BZW2: variants seen among roughly 807,000 people sequenced by gnomAD.
The protein encoded by BZW2 is eIF5-mimic protein 1.
In BZW2, 23 loss-of-function variants were observed where a neutral mutation model predicts 53.2. The ratio of observed to expected loss-of-function variants is 0.43; its 90% CI spans 0.31 to 0.61. The LOEUF (loss-of-function observed/expected upper bound fraction) is 0.61. Ranked by LOEUF, BZW2 falls within the 20% of genes least tolerant of loss-of-function variation. The pLI, the probability that BZW2 is intolerant of heterozygous loss-of-function variation, is 0.09. For synonymous variants in BZW2, 227 were observed against 186.4 expected (o/e 1.22, Z -1.77); for missense variants, 409 against 503.1 (o/e 0.81, Z 1.79).
intron 5 of BZW2, among the ~76,000 whole-genome samples, chr7:16,684,456 T>G (rs920587496): frequency 6.6e-6 from 1 of 152,178 alleles, no homozygotes; most frequent in African/African-American, 2.4e-5. Flanking sequence ...AATTGAGCAA[T>G]GTGGTTATTA....
intron 7 of BZW2, among the ~76,000 whole-genome samples, chr7:16,693,313 C>A (rs1783376406): frequency 6.6e-6 from 1 of 152,146 alleles, no homozygotes; most frequent in African/African-American, 2.4e-5. Flanking sequence ...TTCCCCTCAA[C>A]TTAATCTGAA....
intron 2 of BZW2, among the ~76,000 whole-genome samples, chr7:16,673,304 C>T (rs1782666684): frequency 6.6e-6 from 1 of 152,154 alleles, no homozygotes; most frequent in African/African-American, 2.4e-5. Flanking sequence ...CCTGTCAGTC[C>T]TCTGAAGCCC....
At chr7:16,696,718 T>TA (rs11424738) in intron 8 of BZW2, among the ~76,000 whole-genome samples, 197 bp from the exon 9 acceptor site, 25,987 of 152,192 alleles carry the variant, frequency 0.17, 2,783 homozygotes, top group African/African-American at 0.29. Context: ...ATTTTGGGAC[T>TA]AAAAATAAAT....
At chr7:16,671,930 CAAA>C (rs56356463) in intron 2 of BZW2, among the ~76,000 whole-genome samples, 7 of 99,382 alleles carry the variant, frequency 7.0e-5, no homozygotes, top group African/African-American at 2.5e-4. Flanking sequence ...GACCCTGTTT[CAAA>C]AAAAAAAAAA....
intron 1 of BZW2, among the ~76,000 whole-genome samples, chr7:16,659,680 G>C (rs1373351784): frequency 1.3e-5 from 2 of 151,896 alleles, no homozygotes; most frequent in South Asian, 2.1e-4. Context: ...TTAAAATATA[G>C]AATAAAAGGT....
intron 2 of BZW2, among the ~76,000 whole-genome samples, chr7:16,665,827 G>T (rs145232935): frequency 6.6e-6 from 1 of 152,096 alleles, no homozygotes; most frequent in Admixed American, 6.6e-5. Flanking sequence ...TTTCTTTGTC[G>T]TTTTATGAAA....
In BZW2 at chr7:16,706,418, G is replaced by A. The variant is rs958033102; in HGVS notation, c.*330G>A. 8 of 232,854 alleles carry A rather than the reference G, an allele frequency of 3.4e-5. No homozygotes were observed. Among genetic ancestry groups the A allele is most frequent in the Non-Finnish European group, 5.8e-5 (7 of 120,920 alleles). 14.4% of individuals were successfully genotyped at this position (232,854 alleles called of 1,614,324 possible). A position where few individuals can be genotyped will look rare whatever the true frequency, so the allele number is the denominator to read the frequency against. ...ATTTTTCAGGTACTGTGTGGTGACC[G>A]CCCCACTGGTGTCTATTACAGGCCA... On this transcript the variant is annotated 3_prime_UTR_variant, in exon 12 of 12. Coordinates refer to ENST00000258761, the MANE Select transcript of BZW2 (RefSeq NM_014038.3).
At chr7:16,672,869 C>G (rs887855592) in intron 2 of BZW2, among the ~76,000 whole-genome samples, 26 of 151,154 alleles carry the variant, frequency 1.7e-4, no homozygotes, top group Admixed American at 5.2e-4. Flanking sequence ...TCTGCAGACT[C>G]ATGTGTCCAT....
At chr7:16,693,628 G>A (rs1783389368) in intron 7 of BZW2, among the ~76,000 whole-genome samples, 1 of 152,146 alleles carries the variant, frequency 6.6e-6, no homozygotes, top group Admixed American at 6.5e-5. Context: ...TTATTATGAG[G>A]AAAGTGCCAG....
At chr7:16,682,530 GA>G (rs1782981977) in intron 4 of BZW2, among the ~76,000 whole-genome samples, 1 of 151,752 alleles carries the variant, frequency 6.6e-6, no homozygotes, top group Non-Finnish European at 1.5e-5. Context: ...TATTTTCGTC[GA>G]ATTTTTTTTT....
intron 11 of BZW2, among the ~76,000 whole-genome samples, chr7:16,705,667 AG>A (rs1783829777): frequency 6.8e-6 from 1 of 147,394 alleles, no homozygotes; most frequent in Admixed American, 6.7e-5. Context: ...GCTGGGCAAC[AG>A]AGTGAGACTC....
intron 3 of BZW2, among the ~76,000 whole-genome samples, chr7:16,676,968 T>A (rs564318788): frequency 6.6e-6 from 1 of 152,052 alleles, no homozygotes; most frequent in African/African-American, 2.4e-5. Flanking sequence ...CCTCCCCATA[T>A]AAAATTATCT....
intron 9 of BZW2, 27 bp downstream of exon 9, chr7:16,697,088 C>G (rs1783520052): frequency 6.2e-7 from 1 of 1,606,752 alleles, no homozygotes; most frequent in African/African-American, 1.3e-5. Flanking sequence ...AGGAACTGAC[C>G]CAGCCAAGGG....
intron 1 of BZW2, among the ~76,000 whole-genome samples, chr7:16,651,997 T>C (rs1781992749): frequency 6.6e-6 from 1 of 152,220 alleles, no homozygotes; most frequent in Non-Finnish European, 1.5e-5. Flanking sequence ...TTTAGTTGGC[T>C]CCTTGGAAAA....
At chr7:16,662,723 C>G (rs1269006626) in intron 1 of BZW2, among the ~76,000 whole-genome samples, 1 of 151,666 alleles carries the variant, frequency 6.6e-6, no homozygotes, top group East Asian at 1.9e-4. Context: ...TTGAAGTCAC[C>G]CTGGTCAACA....
chr7:16,688,517 A>C (rs774985826), intron 6 of BZW2: 4 of 152,244 alleles, frequency 2.6e-5, no homozygotes, highest in Non-Finnish European at 5.9e-5. Context: ...ATTAATCATC[A>C]GAAAGGGGTG....
At chr7:16,647,790 C>T (rs182724703) in intron 1 of BZW2, among the ~76,000 whole-genome samples, 4 of 152,324 alleles carry the variant, frequency 2.6e-5, no homozygotes, top group African/African-American at 7.2e-5. Flanking sequence ...GTGGTAACCT[C>T]CTGGAACATG....
intron 1 of BZW2, among the ~76,000 whole-genome samples, chr7:16,659,669 T>C (rs943305893): frequency 2.0e-5 from 3 of 152,086 alleles, no homozygotes; most frequent in African/African-American, 7.2e-5. Context: ...ATTTTACTCA[T>C]TTAAAATATA....
At chr7:16,681,232 T>C in intron 3 of BZW2, 69 bp from the exon 4 acceptor site, 1 of 1,186,822 alleles carries the variant, frequency 8.4e-7, no homozygotes, top group East Asian at 2.3e-5. Context: ...TTGCCAGAAT[T>C]GATGTGTTCT....
Sources: allele counts gnomAD v4.1 joint callset (sites outside exome capture counted in the v4.1 genomes callset), GRCh38; gene constraint gnomAD v4.1.1; transcripts MANE v1.5; gene names NCBI Gene and HGNC (gene_info 2026-07-23, HGNC 2026-07-21).